The following TLE7 variants were observed in gnomAD, a reference collection of about 807,000 sequenced individuals.
TLE7 encodes transducin-like enhancer protein 7.
rs1438397149 is a variant in TLE7, at chr16:71,431,292, T to C, written c.994-18A>G. 2.5e-6 allele frequency: 1 copy of C among 399,294 alleles called. No homozygotes were observed. The highest frequency in any genetic ancestry group is 4.4e-6 in the Non-Finnish European group (1 of 226,264). The allele number at this position is 399,294 out of a possible 1,614,324, so 24.7% of individuals were successfully genotyped here. A position where few individuals can be genotyped will look rare whatever the true frequency, so the allele number is the denominator to read the frequency against. Reference sequence around the variant, plus strand: ...CTGAGGATCTGTTCGTGGAAGCAGGTTTGAGGTCAGCACTCAAAGTTGCCA... The same window carrying C: ...CTGAGGATCTGTTCGTGGAAGCAGGCTTGAGGTCAGCACTCAAAGTTGCCA... On this transcript the variant is annotated intron_variant, in intron 7 of 9. Coordinates refer to ENST00000561754, the MANE Select transcript of TLE7 (RefSeq NM_001367365.2). The surrounding 1 kb of genome is among the most constrained non-coding windows in gnomAD (Gnocchi z 4.5).
In TLE7 at chr16:71,431,698, A is replaced by G; in HGVS notation, c.851+63T>C. ...CGCCCAGCCCTAATGCAAAGAGGGGAAAGAGCCTCACTGGCAAGCCCTCCC... is the reference window on the plus strand; with the variant it reads ...CGCCCAGCCCTAATGCAAAGAGGGGGAAGAGCCTCACTGGCAAGCCCTCCC... On this transcript the variant is annotated intron_variant, in intron 6 of 9. Transcript: ENST00000561754. The surrounding 1 kb of genome is among the most constrained non-coding windows in gnomAD (Gnocchi z 4.5). 2.5e-6 allele frequency: 1 copy of G among 400,512 alleles called. No homozygotes were observed. Among genetic ancestry groups the G allele is most frequent in the East Asian group, 3.6e-5 (1 of 28,074 alleles). 24.8% of individuals were successfully genotyped at this position (400,512 alleles called of 1,614,324 possible).
At chr16:71,439,510 C>T (rs1457852759) in intron 1 of TLE7, among the ~76,000 whole-genome samples, 1 of 151,474 alleles carries the variant, frequency 6.6e-6, no homozygotes, top group Non-Finnish European at 1.5e-5. Flanking sequence ...CTGGGGGAGA[C>T]ATAATCAGAG....
Position 71,431,176 on chromosome 16 carries a change from A to T in TLE7, c.1092T>A (p.Phe364Leu). 2.5e-6 allele frequency: 1 copy of T among 400,718 alleles called. No homozygotes were observed. Among genetic ancestry groups the T allele is most frequent in the Non-Finnish European group, 4.4e-6 (1 of 226,232 alleles). 24.8% of individuals were successfully genotyped at this position (400,718 alleles called of 1,614,324 possible). ...GGGTGTATTTTTTCATGAGAGCCTT[A>T]AACTGCTCATTCCGACGAGTGTGAA... is the stretch of plus-strand genomic sequence containing the variant. ...VFLHTRRNEQ[F>L]KALMKKYTRH... Residue 364 changes from phenylalanine (F) to leucine (L), a missense_variant, in exon 8 of 10, where the codon TTT (phenylalanine) becomes TTA (leucine). By Grantham distance (22) the Phe-to-Leu change is conservative. Coordinates refer to ENST00000561754, the MANE Select transcript of TLE7 (RefSeq NM_001367365.2). The surrounding 1 kb of genome is among the most constrained non-coding windows in gnomAD (Gnocchi z 4.5).
At chr16:71,438,234 A>T (rs2042833807) in intron 1 of TLE7, among the ~76,000 whole-genome samples, 1 of 151,954 alleles carries the variant, frequency 6.6e-6, no homozygotes, top group Admixed American at 6.6e-5. Context: ...CGAGTTCGAG[A>T]CCAGCCTGGC....
chr16:71,439,548 G>A (rs891904927), intron 1 of TLE7, among the ~76,000 whole-genome samples: 2 of 151,946 alleles, frequency 1.3e-5, no homozygotes, highest in Non-Finnish European at 2.9e-5. Flanking sequence ...GACTGTAGCT[G>A]TTCTTCTAGG....
At chr16:71,432,458 C>G in intron 4 of TLE7, 133 bp from the exon 5 acceptor site, 1 of 397,732 alleles carries the variant, frequency 2.5e-6, no homozygotes, top group Non-Finnish European at 4.4e-6. Flanking sequence ...GCCCCTGGTT[C>G]CCAGGGTCAC....
At chr16:71,436,270 A>C (rs540046214) in intron 1 of TLE7, among the ~76,000 whole-genome samples, 18 of 152,120 alleles carry the variant, frequency 1.2e-4, no homozygotes, top group African/African-American at 4.3e-4. Flanking sequence ...TCCCTTCCAC[A>C]CCCAGGTGCT....
At chr16:71,434,395 C>A (rs2042818466) in intron 1 of TLE7, among the ~76,000 whole-genome samples, 1 of 152,138 alleles carries the variant, frequency 6.6e-6, no homozygotes, top group Non-Finnish European at 1.5e-5. Flanking sequence ...CCTGGAGAGA[C>A]CCAGGGTTCT....
At chr16:71,436,732 C>A (rs1463725851) in intron 1 of TLE7, among the ~76,000 whole-genome samples, 2 of 152,206 alleles carry the variant, frequency 1.3e-5, no homozygotes, top group Non-Finnish European at 2.9e-5. Flanking sequence ...GACACGGGGC[C>A]GCTTTCCTCT....
At chr16:71,436,416 C>T (rs531048433) in intron 1 of TLE7, among the ~76,000 whole-genome samples, 3 of 152,300 alleles carry the variant, frequency 2.0e-5, no homozygotes, top group Non-Finnish European at 2.9e-5. Flanking sequence ...CAACCAACCC[C>T]GCTGAGCCAA....
At chr16:71,439,844 G>T (rs1166468756) in intron 1 of TLE7, among the ~76,000 whole-genome samples, 1 of 152,174 alleles carries the variant, frequency 6.6e-6, no homozygotes, top group Non-Finnish European at 1.5e-5. Flanking sequence ...TGACCCAGCA[G>T]CTCCACTCTT....
At chr16:71,432,913 G>C (rs984091013) in intron 2 of TLE7, 21 bp from the exon 3 acceptor site, 12 of 398,924 alleles carry the variant, frequency 3.0e-5, no homozygotes, top group South Asian at 1.3e-4. Flanking sequence ...TGGAGAGAGG[G>C]AGGGAGGAGA....
At chr16:71,440,577 C>A (rs2145048222) in intron 1 of TLE7, among the ~76,000 whole-genome samples, 1 of 152,340 alleles carries the variant, frequency 6.6e-6, no homozygotes, top group Admixed American at 6.5e-5. Context: ...AGGGGTCCTG[C>A]AAATCCCAAC....
At chr16:71,436,549 C>A (rs1048383098) in intron 1 of TLE7, among the ~76,000 whole-genome samples, 3 of 152,196 alleles carry the variant, frequency 2.0e-5, no homozygotes, top group African/African-American at 4.8e-5. Context: ...TAGGGGGATA[C>A]GTCTTTGGAC....
intron 1 of TLE7, among the ~76,000 whole-genome samples, chr16:71,437,262 T>C (rs2042829594): frequency 6.7e-6 from 1 of 149,910 alleles, no homozygotes; most frequent in Non-Finnish European, 1.5e-5. Context: ...GGCACAAGAA[T>C]TACTTGAATC....
intron 1 of TLE7, among the ~76,000 whole-genome samples, chr16:71,441,489 C>T (rs955839493): frequency 3.3e-5 from 5 of 152,366 alleles, no homozygotes; most frequent in South Asian, 2.1e-4. Context: ...GGACTCCGGC[C>T]GTGGGCAGCT....
intron 1 of TLE7, among the ~76,000 whole-genome samples, chr16:71,437,350 GAAAA>G (rs57942255): frequency 1.1e-5 from 1 of 89,666 alleles, no homozygotes. Context: ...CTCTGTCTCA[GAAAA>G]AAAAAAAAAA....
rs1316410319 is a variant in TLE7, at chr16:71,431,644, G to A, written c.852-82C>T. On this transcript the variant is annotated intron_variant, in intron 6 of 9. Coordinates refer to ENST00000561754, the MANE Select transcript of TLE7 (RefSeq NM_001367365.2). This position sits in a 1 kb window ranked among gnomAD's most constrained non-coding sequence, Gnocchi z 4.5. ...TTTCAGGGTCAGGAAGCCCCTAGGA[G>A]TACCCCAGATATATCTTCTACACTG... 5.0e-6 allele frequency: 2 copies of A among 400,244 alleles called. No individual in the cohort carries two copies. The highest frequency in any genetic ancestry group is 8.8e-6 in the Non-Finnish European group (2 of 226,250). 24.8% of individuals were successfully genotyped at this position (400,244 alleles called of 1,614,324 possible). A position where few individuals can be genotyped will look rare whatever the true frequency, so the allele number is the denominator to read the frequency against.
intron 1 of TLE7, among the ~76,000 whole-genome samples, chr16:71,440,792 G>A (rs1009941164): frequency 2.6e-5 from 4 of 152,190 alleles, no homozygotes; most frequent in Admixed American, 2.6e-4. Context: ...GGGCAGAACT[G>A]CGACTGTGAG....
Sources: allele counts gnomAD v4.1 joint callset (sites outside exome capture counted in the v4.1 genomes callset), GRCh38; gene constraint gnomAD v4.1.1; non-coding constraint Gnocchi (gnomAD v3.1); transcripts MANE v1.5; gene names NCBI Gene and HGNC (gene_info 2026-07-23, HGNC 2026-07-21).